GALNTL6: variants seen among roughly 807,000 people sequenced by gnomAD.
GALNTL6 encodes polypeptide N-acetylgalactosaminyltransferase-like 6.
GALNTL6 carries 46 observed loss-of-function variants against 73.7 expected under a neutral mutation model. That is an observed-to-expected ratio of 0.62 (90% CI 0.49 to 0.80). The LOEUF (loss-of-function observed/expected upper bound fraction) is 0.80, where lower values mean the gene tolerates loss of function less well. Among genes scored for constraint, GALNTL6 ranks in the 30% least tolerant of loss-of-function variants. The pLI is 0.00. For missense variants in GALNTL6, 604 were observed against 755.0 expected, an observed-to-expected ratio of 0.80 and a Z score of 2.34; for synonymous variants, 259 against 263.7, an observed-to-expected ratio of 0.98 and a Z score of 0.17.
intron 2 of GALNTL6, among the ~76,000 whole-genome samples, chr4:172,073,515 C>A (rs575140045): frequency 6.6e-6 from 1 of 152,264 alleles, no homozygotes; most frequent in East Asian, 1.9e-4. Flanking sequence ...CAGCTGGCTG[C>A]TATGATTTTG....
chr4:172,256,291 G>T (rs1738075446), intron 3 of GALNTL6, among the ~76,000 whole-genome samples: 1 of 151,238 alleles, frequency 6.6e-6, no homozygotes, highest in African/African-American at 2.4e-5. Flanking sequence ...CATCTCCATT[G>T]ATAACACTCC....
intron 5 of GALNTL6, among the ~76,000 whole-genome samples, chr4:172,728,057 C>T (rs769873793): frequency 1.3e-5 from 2 of 152,046 alleles, no homozygotes; most frequent in Non-Finnish European, 2.9e-5. Context: ...GGACTATAGG[C>T]ACCTGCCACC....
At chr4:172,166,965 T>C (rs1050486974) in intron 2 of GALNTL6, among the ~76,000 whole-genome samples, 3 of 152,126 alleles carry the variant, frequency 2.0e-5, no homozygotes, top group African/African-American at 7.2e-5. Context: ...AGCATTGGAG[T>C]AGGAATCAGA....
At chr4:172,150,462 G>A (rs1734049946) in intron 2 of GALNTL6, among the ~76,000 whole-genome samples, 1 of 152,282 alleles carries the variant, frequency 6.6e-6, no homozygotes, top group East Asian at 1.9e-4. Context: ...GAGTAGAATG[G>A]TAGTGAAGGG....
At position 172,219,869 on chromosome 4, in the gene GALNTL6, G is replaced by A. The variant is rs150601158; in HGVS notation, c.139-9787G>A. Among the ~76,000 whole-genome samples the A allele has an allele frequency of 3.5e-3, 530 of 151,962 alleles. 4 individuals are homozygous for A. Among genetic ancestry groups the A allele is most frequent in the Middle Eastern group, 6.8e-3 (2 of 294 alleles). ...CTGGTTTTGATATTTAAAAGTATTG[G>A]CACTTCTGCCTAAAAAGATGCTTGC... On this transcript the variant is annotated intron_variant, in intron 2 of 12. Transcript: ENST00000506823.
chr4:172,318,574 C>T (rs1037466562), intron 4 of GALNTL6, among the ~76,000 whole-genome samples: 10 of 151,824 alleles, frequency 6.6e-5, no homozygotes, highest in East Asian at 1.9e-4. Context: ...TGGTGGTGGG[C>T]GCCTGTAATC....
intron 12 of GALNTL6, among the ~76,000 whole-genome samples, chr4:173,039,421 G>A (rs751281993): frequency 6.6e-6 from 1 of 151,208 alleles, no homozygotes; most frequent in African/African-American, 2.4e-5. Flanking sequence ...TTTTTCTTTT[G>A]TATTTCTCTT....
chr4:172,664,259 C>CA (rs1269921793), intron 5 of GALNTL6, among the ~76,000 whole-genome samples: 1 of 152,174 alleles, frequency 6.6e-6, no homozygotes, highest in African/African-American at 2.4e-5. Flanking sequence ...TTCTGTCCTT[C>CA]AATCTGGAAT....
At position 172,978,911 on chromosome 4, in the gene GALNTL6, G is replaced by A. The variant is rs374887933; in HGVS notation, c.1371+26653G>A. Among the ~76,000 whole-genome samples the A allele has an allele frequency of 2.6e-5, 4 of 152,322 alleles. No individual in the cohort carries two copies. In the East Asian group the frequency reaches 5.8e-4, roughly 22 times the overall value. ...GCTCCAACATTTACTGGATGAATAC[G>A]TTAGAATCAGGCAAGTCACTTTAAT... On this transcript the variant is annotated intron_variant, in intron 10 of 12. Transcript: ENST00000506823.
At chr4:172,451,054 CAGTAT>C (rs1732190750) in intron 5 of GALNTL6, among the ~76,000 whole-genome samples, 1 of 152,188 alleles carries the variant, frequency 6.6e-6, no homozygotes, top group Non-Finnish European at 1.5e-5. Context: ...GTTCAGCACA[CAGTAT>C]GCATCCTGTG....
At chr4:172,620,596 A>C (rs1440298182) in intron 5 of GALNTL6, among the ~76,000 whole-genome samples, 2 of 152,218 alleles carry the variant, frequency 1.3e-5, no homozygotes, top group Non-Finnish European at 2.9e-5. Flanking sequence ...TTATCCATCA[A>C]ACAAAATTTA....
chr4:172,373,778 G>T (rs574541795), intron 5 of GALNTL6, among the ~76,000 whole-genome samples: 11 of 152,330 alleles, frequency 7.2e-5, no homozygotes, highest in South Asian at 4.1e-4. Context: ...AAAGAGCAAA[G>T]TCTCCCAATT....
chr4:172,332,523 G>GTT lies in GALNTL6; in HGVS notation c.387-15990_387-15989dup, dbSNP rs553182182. On this transcript the variant is annotated intron_variant, in intron 4 of 12. Transcript: ENST00000506823. ...ACACTCTCTATTTCCATCCGATCAA[G>GTT]TTTTTTTTTTTACCTCCCACATATA... Among the ~76,000 whole-genome samples, 1,243 of 148,178 alleles carry GTT rather than the reference G, an allele frequency of 8.4e-3. 15 individuals are homozygous for GTT. Among genetic ancestry groups the GTT allele is most frequent in the Non-Finnish European group, 0.014 (920 of 67,156 alleles).
chr4:172,799,335 A>C (rs986351155), intron 5 of GALNTL6, among the ~76,000 whole-genome samples: 1 of 152,198 alleles, frequency 6.6e-6, no homozygotes, highest in Admixed American at 6.5e-5. Context: ...GTGGGGGGAA[A>C]AATTACAAGT....
chr4:171,861,288 A>G (rs1735825065), intron 2 of GALNTL6, among the ~76,000 whole-genome samples: 2 of 152,160 alleles, frequency 1.3e-5, no homozygotes, highest in South Asian at 4.1e-4. Context: ...AATTATACCC[A>G]TATAATTAAT....
At chr4:172,169,770 A>T (rs183256920) in intron 2 of GALNTL6, among the ~76,000 whole-genome samples, 17 of 152,362 alleles carry the variant, frequency 1.1e-4, no homozygotes, top group Admixed American at 5.9e-4. Context: ...TTTAGGAGAT[A>T]CTAAAACACA....
At chr4:172,652,556 A>C (rs1252016268) in intron 5 of GALNTL6, among the ~76,000 whole-genome samples, 2 of 152,226 alleles carry the variant, frequency 1.3e-5, no homozygotes, top group African/African-American at 4.8e-5. Context: ...GGACACAGGC[A>C]TGCCCTAGAT....
intron 5 of GALNTL6, among the ~76,000 whole-genome samples, chr4:172,752,503 A>G (rs971514819): frequency 6.6e-6 from 1 of 152,106 alleles, no homozygotes; most frequent in African/African-American, 2.4e-5. Flanking sequence ...AATAACTATT[A>G]TGTCCATTTA....
chr4:172,422,610 A>G (rs372873418), intron 5 of GALNTL6, among the ~76,000 whole-genome samples: 2 of 151,922 alleles, frequency 1.3e-5, no homozygotes, highest in African/African-American at 2.4e-5. Context: ...CATGTCATCT[A>G]GATGACAGAG....
Sources: allele counts gnomAD v4.1 joint callset (sites outside exome capture counted in the v4.1 genomes callset), GRCh38; gene constraint gnomAD v4.1.1; transcripts MANE v1.5; gene names NCBI Gene and HGNC (gene_info 2026-07-23, HGNC 2026-07-21).